GTF3C1: variants seen among roughly 807,000 people sequenced by gnomAD.
GTF3C1 encodes general transcription factor IIIC subunit 1.
Under a neutral mutation model 226.7 loss-of-function variants are expected in GTF3C1, and 57 were observed. The ratio of observed to expected loss-of-function variants is 0.25; its 90% CI spans 0.20 to 0.31. GTF3C1 has a LOEUF of 0.31. Among genes scored for constraint, GTF3C1 ranks in the 10% least tolerant of loss-of-function variants. GTF3C1 has a pLI of 1.00. For synonymous variants in GTF3C1, 1,090 were observed against 1,084.8 expected (o/e 1.00, Z -0.09); for missense variants, 2,217 against 2,776.1 (o/e 0.80, Z 4.53).
At chr16:27,473,988 G>C (rs754349028) in intron 29 of GTF3C1, among the ~76,000 whole-genome samples, 1 of 152,198 alleles carries the variant, frequency 6.6e-6, no homozygotes, top group Non-Finnish European at 1.5e-5. Flanking sequence ...AACAGGATAG[G>C]AGCGCTCAGG....
chr16:27,489,577 G>A lies in GTF3C1; in HGVS notation c.3293+25C>T, dbSNP rs199694849. ...GCACCACCGCAGCCCAGTCCTGGCC[G>A]GCCGCGCTTGGGACGGACACGCACG... On this transcript the variant is annotated intron_variant, in intron 20 of 36. Coordinates refer to ENST00000356183, the MANE Select transcript of GTF3C1 (RefSeq NM_001520.4). 1,306 of 1,579,790 alleles carry A rather than the reference G, an allele frequency of 8.3e-4. 2 individuals are homozygous for A. Among genetic ancestry groups the A allele is most frequent in the Non-Finnish European group, 1.1e-3 (1,233 of 1,162,378 alleles).
At chr16:27,525,027 G>A (rs1406094856) in intron 6 of GTF3C1, among the ~76,000 whole-genome samples, 3 of 152,066 alleles carry the variant, frequency 2.0e-5, no homozygotes, top group Admixed American at 6.6e-5. Flanking sequence ...GGTGGCGCAC[G>A]CCTGTAATCT....
At chr16:27,538,032 G>A in intron 3 of GTF3C1, 105 bp from the exon 4 acceptor site, 1 of 1,378,656 alleles carries the variant, frequency 7.3e-7, no homozygotes, top group Non-Finnish European at 1.0e-6. Flanking sequence ...CTCCTGTCCA[G>A]CCAACCTAAG....
At chr16:27,506,167 A>T (rs1031711976) in intron 9 of GTF3C1, 51 bp from the exon 10 acceptor site, 6 of 1,076,568 alleles carry the variant, frequency 5.6e-6, no homozygotes, top group Non-Finnish European at 7.1e-6. Flanking sequence ...CCAGGAGGGC[A>T]TTCATGTTTG....
At chr16:27,533,021 A>T (rs2088944199) in intron 5 of GTF3C1, among the ~76,000 whole-genome samples, 1 of 152,102 alleles carries the variant, frequency 6.6e-6, no homozygotes, top group Non-Finnish European at 1.5e-5. Flanking sequence ...AATCCCAGCT[A>T]CTCGGGAGGC....
At chr16:27,481,277 C>T in intron 26 of GTF3C1, 86 bp from the exon 27 acceptor site, 1 of 1,122,434 alleles carries the variant, frequency 8.9e-7, no homozygotes, top group Non-Finnish European at 1.4e-6. Flanking sequence ...TATCTTGTAA[C>T]AAACTCCTGC....
chr16:27,481,639 G>A (rs1388598773), intron 26 of GTF3C1, among the ~76,000 whole-genome samples: 5 of 152,032 alleles, frequency 3.3e-5, no homozygotes, highest in Admixed American at 1.3e-4. Flanking sequence ...CTCTATATGC[G>A]CACTGCATCA....
At chr16:27,535,243 T>C (rs918930034) in intron 4 of GTF3C1, among the ~76,000 whole-genome samples, 2 of 152,236 alleles carry the variant, frequency 1.3e-5, no homozygotes, top group African/African-American at 4.8e-5. Context: ...GTTGCTATTG[T>C]GGCAAGCTTA....
intron 32 of GTF3C1, among the ~76,000 whole-genome samples, chr16:27,468,102 C>T (rs545535635): frequency 1.2e-3 from 180 of 152,110 alleles, no homozygotes; most frequent in South Asian, 2.7e-3. Flanking sequence ...AAGTCTTCAG[C>T]GGAGAAAGTA....
rs759300675 is a variant in GTF3C1, at chr16:27,488,266, T to C, written c.3661A>G (p.Lys1221Glu). The C allele has an allele frequency of 6.2e-7, 1 of 1,614,220 alleles. No homozygotes were observed. Among genetic ancestry groups the C allele is most frequent in the South Asian group, 1.1e-5 (1 of 91,084 alleles). ...GGKSQKRKRL[K>E]KDPGKKIKRK... ...TTGATCTTCTTCCCAGGGTCCTTCTTCAGCCGCTTCCGCTTCTGGCTTTTC... is the reference window on the plus strand; with the variant it reads ...TTGATCTTCTTCCCAGGGTCCTTCTCCAGCCGCTTCCGCTTCTGGCTTTTC... Residue 1221 changes from lysine (K) to glutamate (E), a missense_variant, in exon 23 of 37, where the codon AAG becomes GAG. By Grantham distance (56) the Lys-to-Glu change is moderately conservative. Coordinates refer to ENST00000356183, the MANE Select transcript of GTF3C1 (RefSeq NM_001520.4).
At chr16:27,528,517 C>CAG in intron 6 of GTF3C1, 81 bp downstream of exon 6, 31 of 1,058,796 alleles carry the variant, frequency 2.9e-5, no homozygotes, top group Middle Eastern at 2.3e-4. Context: ...AGAATGTGAT[C>CAG]AGAGAGAGAG....
At chr16:27,529,795 C>T (rs374189764) in intron 5 of GTF3C1, among the ~76,000 whole-genome samples, 4 of 152,202 alleles carry the variant, frequency 2.6e-5, no homozygotes, top group African/African-American at 4.8e-5. Context: ...AGGGCCCACC[C>T]GGTTCCAGGG....
intron 5 of GTF3C1, among the ~76,000 whole-genome samples, chr16:27,530,322 T>TGG (rs1423564498): frequency 1.1e-4 from 17 of 152,172 alleles, no homozygotes; most frequent in African/African-American, 4.1e-4. Context: ...GCCCCCAGCA[T>TGG]CATAAAAAGA....
Position 27,545,401 on chromosome 16 carries a change from C to T in GTF3C1, c.344G>A (p.Arg115His), listed in dbSNP as rs746419913. ...ENKDGIQGSCRYFKERKNITN... is the reference protein window; with the variant it reads ...ENKDGIQGSCHYFKERKNITN... ...AATGTTTTTCCTCTCCTTAAAGTAGCGGCATGAGCCCTGGATGCCATCCTT... is the reference window on the plus strand; with the variant it reads ...AATGTTTTTCCTCTCCTTAAAGTAGTGGCATGAGCCCTGGATGCCATCCTT... The change falls in exon 2 of 37, where the codon CGC becomes CAC. Residue 115 changes from arginine to histidine, a missense_variant. Arg to His is a conservative substitution (Grantham distance 29). Coordinates refer to ENST00000356183, the MANE Select transcript of GTF3C1 (RefSeq NM_001520.4). 21 of 1,613,068 alleles carry T rather than the reference C, an allele frequency of 1.3e-5. No homozygotes were observed. The highest frequency in any genetic ancestry group is 1.2e-4 in the Admixed American group (7 of 59,996).
intron 29 of GTF3C1, among the ~76,000 whole-genome samples, chr16:27,472,322 T>C (rs1011069492): frequency 2.0e-5 from 3 of 152,172 alleles, no homozygotes; most frequent in Non-Finnish European, 2.9e-5. Context: ...TACCTTCCAA[T>C]GCATCGGGTT....
rs182042524 is a variant in GTF3C1 at position 27,467,772 on chromosome 16, A to G, written c.5074+1519T>C. Reference sequence around the variant, plus strand: ...GTAATTCCAGCTACTCGGGAGGCTGAGCTAGGAGAATCACTTGAACCTGGG... The same window carrying G: ...GTAATTCCAGCTACTCGGGAGGCTGGGCTAGGAGAATCACTTGAACCTGGG... On this transcript the variant is annotated intron_variant, in intron 32 of 36. Coordinates refer to ENST00000356183, the MANE Select transcript of GTF3C1 (RefSeq NM_001520.4). Among the ~76,000 whole-genome samples the G allele has an allele frequency of 2.6e-5, 4 of 152,292 alleles. No individual in the cohort carries two copies. In the East Asian group the frequency reaches 7.7e-4, roughly 29 times the overall value.
intron 29 of GTF3C1, among the ~76,000 whole-genome samples, chr16:27,474,562 T>A (rs547289655): frequency 2.6e-5 from 4 of 152,342 alleles, no homozygotes; most frequent in African/African-American, 9.6e-5. Flanking sequence ...GTGTGCAATG[T>A]TGGAAAAAAC....
At chr16:27,504,519 G>A (rs912799018) in intron 10 of GTF3C1, among the ~76,000 whole-genome samples, 1 of 152,238 alleles carries the variant, frequency 6.6e-6, no homozygotes, top group Non-Finnish European at 1.5e-5. Flanking sequence ...CACAAAAAGG[G>A]AGAAGCGGCG....
At chr16:27,506,267 T>TC in intron 9 of GTF3C1, 151 bp from the exon 10 acceptor site, 1 of 600,826 alleles carries the variant, frequency 1.7e-6, no homozygotes, top group Non-Finnish European at 3.0e-6. Flanking sequence ...CTTGGGCCCC[T>TC]CCTTCTGGCC....
Sources: allele counts gnomAD v4.1 joint callset (sites outside exome capture counted in the v4.1 genomes callset), GRCh38; gene constraint gnomAD v4.1.1; transcripts MANE v1.5; gene names NCBI Gene and HGNC (gene_info 2026-07-23, HGNC 2026-07-21).